Variants in ERGIC1 observed in about 807,000 individuals in gnomAD.
ERGIC1 encodes endoplasmic reticulum-golgi intermediate compartment 1, also known as endoplasmic reticulum-Golgi intermediate compartment protein 1.
A neutral mutation model predicts 38.3 loss-of-function variants in ERGIC1; 19 were observed. That is an observed-to-expected ratio of 0.50 (90% CI 0.35 to 0.73). The LOEUF (loss-of-function observed/expected upper bound fraction) is 0.73. Among genes scored for constraint, ERGIC1 ranks in the 30% least tolerant of loss-of-function variants. The pLI, the probability that ERGIC1 is intolerant of heterozygous loss-of-function variation, is 0.01. For missense variants in ERGIC1, 294 were observed against 389.2 expected, an observed-to-expected ratio of 0.76 and a Z score of 2.06; for synonymous variants, 124 against 157.6, an observed-to-expected ratio of 0.79 and a Z score of 1.60.
At chr5:172,851,078 G>A (rs926002063) in intron 1 of ERGIC1, among the ~76,000 whole-genome samples, 1 of 151,548 alleles carries the variant, frequency 6.6e-6, no homozygotes, top group Non-Finnish European at 1.5e-5. Flanking sequence ...GCATGTGCAT[G>A]TAATCCCAGC....
chr5:172,887,516 G>A (rs948578217), intron 1 of ERGIC1, among the ~76,000 whole-genome samples: 7 of 152,242 alleles, frequency 4.6e-5, no homozygotes, highest in Admixed American at 3.3e-4. Context: ...GCTCCGAGAG[G>A]TGAAGTCGTT....
chr5:172,886,714 A>G (rs1376059318), intron 1 of ERGIC1, among the ~76,000 whole-genome samples: 2 of 152,200 alleles, frequency 1.3e-5, no homozygotes, highest in Non-Finnish European at 1.5e-5. Context: ...ATGCTGTGAG[A>G]TAGTTACTGT....
chr5:172,933,298 TAAC>T (rs1763817614), intron 8 of ERGIC1: 1 of 152,228 alleles, frequency 6.6e-6, no homozygotes, highest in Non-Finnish European at 1.5e-5. Flanking sequence ...CAGTTAATTA[TAAC>T]AACAGTAGGA....
intron 1 of ERGIC1, among the ~76,000 whole-genome samples, chr5:172,870,682 C>A (rs1251000726): frequency 6.6e-6 from 1 of 152,214 alleles, no homozygotes; most frequent in Non-Finnish European, 1.5e-5. Context: ...GAAGAAAGCA[C>A]AAGTTGAGGC....
Position 172,834,474 on chromosome 5 carries a change from G to A in ERGIC1, c.20+41G>A. On this transcript the variant is annotated intron_variant, in intron 1 of 9. Transcript: ENST00000393784. The surrounding 1 kb of genome is among the most constrained non-coding windows in gnomAD (Gnocchi z 4.1). The stretch of plus-strand genomic sequence containing the variant: ...CCGGCCAGTCGGGAGTTCCCTCAGC[G>A]GGCAGAGGGAGCGCCCCGGCACGCC... 1.5e-6 allele frequency: 2 copies of A among 1,295,772 alleles called. No individual in the cohort carries two copies. The highest frequency in any genetic ancestry group is 2.0e-6 in the Non-Finnish European group (2 of 1,018,872). The allele number at this position is 1,295,772 out of a possible 1,614,324, so 80.3% of individuals were successfully genotyped here.
Position 172,846,071 on chromosome 5 carries a change from C to G in ERGIC1, c.20+11638C>G, listed in dbSNP as rs1451448306. ...GGGTTATGGTTTTGGGGAAGCATCC[C>G]CAGAGGTGAAGCGCCCTTCTCAGCA... On this transcript the variant is annotated intron_variant, in intron 1 of 9. Transcript: ENST00000393784. The surrounding 1 kb of genome is among the most constrained non-coding windows in gnomAD (Gnocchi z 4.0). Among the ~76,000 whole-genome samples the G allele has an allele frequency of 6.6e-6, 1 of 152,086 alleles. No individual in the cohort carries two copies. The highest frequency in any genetic ancestry group is 1.5e-5 in the Non-Finnish European group (1 of 68,012).
chr5:172,897,585 TG>T (rs1439807445), intron 3 of ERGIC1, among the ~76,000 whole-genome samples: 1 of 152,212 alleles, frequency 6.6e-6, no homozygotes. Flanking sequence ...TTGTTAAAGC[TG>T]AAGGGAACAT....
Position 172,952,214 on chromosome 5 carries a change from A to C in ERGIC1, c.*1398A>C, listed in dbSNP as rs976618280. 1 of 152,140 alleles carries C rather than the reference A, an allele frequency of 6.6e-6. No homozygotes were observed. 9.4% of individuals were successfully genotyped at this position (152,140 alleles called of 1,614,324 possible). A position where few individuals can be genotyped will look rare whatever the true frequency, so the allele number is the denominator to read the frequency against. ...ATGAAGGGGAGTGTCCAGTGGAAGG[A>C]TTTTTAAAATTATCTTATGGATAGC... On this transcript the variant is annotated 3_prime_UTR_variant, in exon 10 of 10. Transcript: ENST00000393784.
chr5:172,834,648 C>T lies in ERGIC1; in HGVS notation c.20+215C>T, dbSNP rs538470731. Among the ~76,000 whole-genome samples the T allele has an allele frequency of 9.9e-5, 14 of 141,474 alleles. No individual in the cohort carries two copies. The highest frequency in any genetic ancestry group is 3.3e-4 in the African/African-American group (13 of 39,404). The allele number at this position is 141,474 out of a possible 152,430, so 92.8% of individuals were successfully genotyped here. A position where few individuals can be genotyped will look rare whatever the true frequency, so the allele number is the denominator to read the frequency against. On this transcript the variant is annotated intron_variant, in intron 1 of 9. Transcript: ENST00000393784. This position sits in a 1 kb window ranked among gnomAD's most constrained non-coding sequence, Gnocchi z 4.1. ...CCCCCTCGTGCAGCGGGAGACAAAT[C>T]CACCCACCTTCCCTCCGCCGAGCCC... is the stretch of plus-strand genomic sequence containing the variant.
intron 1 of ERGIC1, among the ~76,000 whole-genome samples, chr5:172,875,703 C>T (rs1280312219): frequency 6.6e-6 from 1 of 152,124 alleles, no homozygotes; most frequent in Non-Finnish European, 1.5e-5. Flanking sequence ...AAGTGATCCT[C>T]CCACCTCAGC....
At chr5:172,882,250 G>C (rs1347891003) in intron 1 of ERGIC1, among the ~76,000 whole-genome samples, 1 of 152,172 alleles carries the variant, frequency 6.6e-6, no homozygotes, top group African/African-American at 2.4e-5. Flanking sequence ...AGCTTCATGG[G>C]GTGGTGTCTG....
At chr5:172,861,042 G>A (rs1229232263) in intron 1 of ERGIC1, among the ~76,000 whole-genome samples, 1 of 152,156 alleles carries the variant, frequency 6.6e-6, no homozygotes, top group South Asian at 2.1e-4. Flanking sequence ...ATCCACCGCC[G>A]AAAACAAGCT....
intron 1 of ERGIC1, among the ~76,000 whole-genome samples, chr5:172,855,608 C>T (rs896643889): frequency 7.9e-5 from 12 of 152,188 alleles, no homozygotes; most frequent in Admixed American, 3.3e-4. Context: ...TCCAGCCTTG[C>T]GTGGGGTGCG....
chr5:172,931,317 TATC>T (rs1763770986), intron 7 of ERGIC1: 1 of 152,230 alleles, frequency 6.6e-6, no homozygotes, highest in Non-Finnish European at 1.5e-5. Context: ...ACCTCACGCT[TATC>T]AGCAGCTGAT....
intron 8 of ERGIC1, chr5:172,934,023 TCTC>T (rs1484517154): frequency 1.2e-4 from 19 of 152,192 alleles, no homozygotes; most frequent in Admixed American, 1.2e-3. Context: ...CCCCAGCAGC[TCTC>T]CTGGAGAAAG....
At chr5:172,891,537 C>T (rs1329582494) in intron 2 of ERGIC1, among the ~76,000 whole-genome samples, 1 of 151,646 alleles carries the variant, frequency 6.6e-6, no homozygotes, top group East Asian at 1.9e-4. Context: ...CTCCCGGGTT[C>T]AAGCAATTCT....
chr5:172,926,743 C>A lies in ERGIC1; in HGVS notation c.541+174C>A. 1.5e-6 allele frequency: 1 copy of A among 650,832 alleles called. No homozygotes were observed. Among genetic ancestry groups the A allele is most frequent in the Non-Finnish European group, 2.7e-6 (1 of 376,230 alleles). The allele number at this position is 650,832 out of a possible 1,614,324, so 40.3% of individuals were successfully genotyped here. On this transcript the variant is annotated intron_variant, in intron 7 of 9. Coordinates refer to ENST00000393784, the MANE Select transcript of ERGIC1 (RefSeq NM_001031711.3). This position sits in a 1 kb window ranked among gnomAD's most constrained non-coding sequence, Gnocchi z 5.2. ...AGTGGGAAGGTGGACCCAGCCCCGT[C>A]CAGACCCAGACCCTGATGGAGAAGG...
intron 3 of ERGIC1, chr5:172,905,936 G>C: frequency 5.2e-6 from 2 of 384,476 alleles, no homozygotes; most frequent in East Asian, 7.2e-5. Flanking sequence ...TAGCCTAATT[G>C]GTATTTCAGT....
chr5:172,893,905 A>ATGTGTGTGTGTGTG (rs1554110394), intron 2 of ERGIC1, among the ~76,000 whole-genome samples: 206 of 15,510 alleles, frequency 0.013, 16 homozygotes, highest in Middle Eastern at 0.045. Context: ...ATATATATAT[A>ATGTGTGTGTGTGTG]TGTGTGTGTG....
Sources: allele counts gnomAD v4.1 joint callset (sites outside exome capture counted in the v4.1 genomes callset), GRCh38; gene constraint gnomAD v4.1.1; non-coding constraint Gnocchi (gnomAD v3.1); transcripts MANE v1.5; gene names NCBI Gene and HGNC (gene_info 2026-07-23, HGNC 2026-07-21).